LONRF3: variants seen among roughly 807,000 people sequenced by gnomAD.
LONRF3 encodes the protein LON peptidase N-terminal domain and ring finger 3.
In LONRF3, 19 loss-of-function variants were observed where a neutral mutation model predicts 51.7. The ratio of observed to expected loss-of-function variants is 0.37; its 90% CI spans 0.26 to 0.54. The LOEUF is 0.54. Ranked by LOEUF, LONRF3 falls within the 20% of genes least tolerant of loss-of-function variation. The pLI is 0.86. For synonymous variants in LONRF3, 265 were observed against 257.8 expected, an observed-to-expected ratio of 1.03 and a Z score of -0.27; for missense variants, 521 against 623.9, an observed-to-expected ratio of 0.84 and a Z score of 1.76.
At chrX:118,984,720 C>T (rs1922825122) in intron 3 of LONRF3, among the ~76,000 whole-genome samples, 1 of 111,869 alleles carries the variant, frequency 8.9e-6, no homozygotes. Context: ...CGAGTGTATG[C>T]CCGTGATGAG....
chrX:119,012,749 G>T (rs1925193013), intron 8 of LONRF3: 1 of 424,803 alleles, frequency 2.4e-6, no homozygotes, highest in African/African-American at 2.5e-5. Context: ...TGTTACAATA[G>T]CAATTAAATT....
At chrX:118,976,954 G>C (rs1922123555) in intron 1 of LONRF3, 1 of 111,722 alleles carries the variant, frequency 9.0e-6, no homozygotes, top group South Asian at 3.7e-4. Flanking sequence ...AGGTAATGGG[G>C]GGAGGAGGAG....
intron 7 of LONRF3, among the ~76,000 whole-genome samples, chrX:119,010,525 G>GATCTTT (rs1057268488): frequency 5.4e-5 from 6 of 110,730 alleles, no homozygotes; most frequent in Non-Finnish European, 7.6e-5. Flanking sequence ...CTACTCGGGG[G>GATCTTT]ATCTTTATCT....
intron 9 of LONRF3, 114 bp downstream of exon 9, chrX:119,013,315 C>T (rs1030920671): frequency 2.7e-5 from 20 of 742,306 alleles, no homozygotes; most frequent in Non-Finnish European, 3.1e-5. Flanking sequence ...GATTTCACAC[C>T]AAATTGCTGC....
Position 118,988,836 on chromosome X carries a change from A to G in LONRF3, c.1060-572A>G, listed in dbSNP as rs1410799665. Among the ~76,000 whole-genome samples, 5 of 105,039 alleles carry G rather than the reference A, an allele frequency of 4.8e-5. 1 individual carries two copies. The highest frequency in any genetic ancestry group is 1.1e-4 in the African/African-American group (3 of 28,446). 91.2% of individuals were successfully genotyped at this position (105,039 alleles called of 115,157 possible). On this transcript the variant is annotated intron_variant, in intron 3 of 10. Transcript: ENST00000371628. ...TTTTAATGCTTTTCACCCCAAATCT[A>G]GTAAAAGGAATAGTTTGTACCTTGT...
chrX:118,987,103 C>T (rs777666659), intron 3 of LONRF3: 19 of 1,126,679 alleles, frequency 1.7e-5, no homozygotes, highest in Non-Finnish European at 2.2e-5. Flanking sequence ...TCACCCAGCT[C>T]GCTCGTGACG....
intron 3 of LONRF3, among the ~76,000 whole-genome samples, chrX:118,988,863 C>T (rs192231069): frequency 9.5e-6 from 1 of 105,090 alleles, no homozygotes; most frequent in East Asian, 3.0e-4. Flanking sequence ...GTACCTTGTT[C>T]ATTTGACCAG....
Position 118,986,797 on chromosome X carries a change from C to G in LONRF3, c.1060-2611C>G, listed in dbSNP as rs1923001672. The G allele has an allele frequency of 2.4e-5, 13 of 539,522 alleles. No individual in the cohort carries two copies. The South Asian group carries it at 3.8e-4, about 16-fold the overall frequency. The allele number at this position is 539,522 out of a possible 1,213,427, so 44.5% of individuals were successfully genotyped here. On this transcript the variant is annotated intron_variant, in intron 3 of 10. Coordinates refer to ENST00000371628, the MANE Select transcript of LONRF3 (RefSeq NM_001031855.3). ...CTGCCCTGGTGTGGTGTGTTAGGGACACTGGTCCAAGGCTTCCTCCCTGGA... is the reference window on the plus strand; with the variant it reads ...CTGCCCTGGTGTGGTGTGTTAGGGAGACTGGTCCAAGGCTTCCTCCCTGGA...
At chrX:118,978,897 C>T (rs5910466) in intron 2 of LONRF3, among the ~76,000 whole-genome samples, 36,762 of 109,727 alleles carry the variant, frequency 0.34, 4,997 homozygotes, top group East Asian at 0.45. Flanking sequence ...ATGTAAGGTA[C>T]TTAGAACAGT....
chrX:119,005,866 T>C (rs1418977862), intron 5 of LONRF3, among the ~76,000 whole-genome samples: 1 of 111,353 alleles, frequency 9.0e-6, no homozygotes, highest in East Asian at 2.8e-4. Flanking sequence ...AAATCTGAAT[T>C]CCCCAGAAGA....
chrX:119,003,785 G>GT (rs1924498840), intron 5 of LONRF3, among the ~76,000 whole-genome samples: 1 of 112,182 alleles, frequency 8.9e-6, no homozygotes, highest in Non-Finnish European at 1.9e-5. Context: ...ACCCATTGAG[G>GT]TTTTTTATTG....
At chrX:119,000,450 G>T (rs1167955847) in intron 5 of LONRF3, among the ~76,000 whole-genome samples, 1 of 111,685 alleles carries the variant, frequency 9.0e-6, no homozygotes, top group Non-Finnish European at 1.9e-5. Flanking sequence ...TTGCTGAACT[G>T]GGGGAGCTCT....
At chrX:118,983,748 C>T (rs986770921) in intron 3 of LONRF3, among the ~76,000 whole-genome samples, 2 of 111,939 alleles carry the variant, frequency 1.8e-5, no homozygotes, top group Non-Finnish European at 3.8e-5. Context: ...CGGAGCCTTA[C>T]GGTTTCTGTC....
chrX:119,010,890 G>A (rs759036988), intron 7 of LONRF3, among the ~76,000 whole-genome samples: 1 of 110,600 alleles, frequency 9.0e-6, no homozygotes, highest in Admixed American at 9.6e-5. Flanking sequence ...GAGGCCGGTG[G>A]ATTGCTTGAG....
chrX:119,013,329 A>G, intron 9 of LONRF3, 128 bp downstream of exon 9: 1 of 676,326 alleles, frequency 1.5e-6, no homozygotes, highest in East Asian at 3.5e-5. Context: ...TTGCTGCAGC[A>G]ACATTGAATG....
chrX:118,988,643 A>G (rs1356024532), intron 3 of LONRF3, among the ~76,000 whole-genome samples: 2 of 111,357 alleles, frequency 1.8e-5, no homozygotes, highest in African/African-American at 6.5e-5. Flanking sequence ...CCTATGGACT[A>G]TGGGTTTAGA....
intron 3 of LONRF3, among the ~76,000 whole-genome samples, chrX:118,983,362 A>G (rs1453751884): frequency 8.9e-6 from 1 of 111,973 alleles, no homozygotes; most frequent in Admixed American, 9.5e-5. Flanking sequence ...TTCACCAGCC[A>G]CACATGACAG....
intron 2 of LONRF3, 23 bp from the exon 3 acceptor site, chrX:118,982,798 T>C: frequency 8.3e-7 from 1 of 1,210,231 alleles, no homozygotes; most frequent in Non-Finnish European, 1.1e-6. Flanking sequence ...AAAATGGGAT[T>C]GAATGCTAAT....
chrX:118,977,942 G>T (rs1922214533), intron 1 of LONRF3, among the ~76,000 whole-genome samples: 1 of 111,585 alleles, frequency 9.0e-6, no homozygotes, highest in Admixed American at 9.5e-5. Context: ...TGGTGGTTCA[G>T]ATAGGGGTCA....
Sources: allele counts gnomAD v4.1 joint callset (sites outside exome capture counted in the v4.1 genomes callset), GRCh38; gene constraint gnomAD v4.1.1; transcripts MANE v1.5; gene names NCBI Gene and HGNC (gene_info 2026-07-23, HGNC 2026-07-21).